FASTKD1: variants seen among roughly 807,000 people sequenced by gnomAD.
FASTKD1 encodes FAST kinase domain-containing protein 1, mitochondrial.
In FASTKD1, 94 loss-of-function variants were observed where a neutral mutation model predicts 90.9. That is an observed-to-expected ratio of 1.03 (90% confidence interval 0.88 to 1.23). The LOEUF is 1.23. Ranked by LOEUF, FASTKD1 falls within the 50% of genes most tolerant of loss-of-function variation. The pLI is 0.00. For missense variants in FASTKD1, 945 were observed against 993.5 expected (o/e 0.95, Z 0.66); for synonymous variants, 319 against 345.8 (o/e 0.92, Z 0.86).
chr2:169,541,411 G>A (rs1684950099), intron 9 of FASTKD1, among the ~76,000 whole-genome samples: 1 of 152,170 alleles, frequency 6.6e-6, no homozygotes, highest in Non-Finnish European at 1.5e-5. Flanking sequence ...GGAGAATACA[G>A]TCTAAGTCTC....
At chr2:169,554,356 G>A (rs1362201847) in intron 7 of FASTKD1, among the ~76,000 whole-genome samples, 1 of 139,102 alleles carries the variant, frequency 7.2e-6, no homozygotes, top group East Asian at 2.3e-4. Flanking sequence ...ATTATAAAGG[G>A]AAAATTCTAC....
At chr2:169,540,846 CAT>C (rs1684929751) in intron 9 of FASTKD1, among the ~76,000 whole-genome samples, 1 of 152,188 alleles carries the variant, frequency 6.6e-6, no homozygotes, top group African/African-American at 2.4e-5. Flanking sequence ...AGAGTGTACA[CAT>C]GTTTGAGGCT....
chr2:169,536,042 A>C (rs1684710166), intron 12 of FASTKD1, among the ~76,000 whole-genome samples: 1 of 152,030 alleles, frequency 6.6e-6, no homozygotes, highest in South Asian at 2.1e-4. Context: ...TTGGGAGGCT[A>C]AGCTGAGGCA....
At chr2:169,542,407 A>C (rs1359770335) in intron 9 of FASTKD1, among the ~76,000 whole-genome samples, 3 of 152,246 alleles carry the variant, frequency 2.0e-5, no homozygotes, top group Non-Finnish European at 2.9e-5. Context: ...CTTCAAGGTC[A>C]AACTGTTCCA....
chr2:169,530,041 C>T (rs1302887516), intron 14 of FASTKD1, 115 bp from the exon 15 acceptor site: 1 of 737,036 alleles, frequency 1.4e-6, no homozygotes. Context: ...AATTAGTTTA[C>T]ATAAGGATAG....
At chr2:169,570,589 G>C (rs951068422) in intron 2 of FASTKD1, among the ~76,000 whole-genome samples, 1 of 151,566 alleles carries the variant, frequency 6.6e-6, no homozygotes, top group Non-Finnish European at 1.5e-5. Flanking sequence ...GAAAACATAT[G>C]TGCCGTCCAT....
intron 12 of FASTKD1, among the ~76,000 whole-genome samples, chr2:169,533,526 C>T (rs1684580234): frequency 6.6e-6 from 1 of 152,106 alleles, no homozygotes; most frequent in Non-Finnish European, 1.5e-5. Context: ...AATTTACATA[C>T]TTCATAGGGA....
rs1322642423 is a variant in FASTKD1, at chr2:169,554,523, GT to G, written c.1214+600del. Among the ~76,000 whole-genome samples the G allele has an allele frequency of 6.1e-3, 701 of 114,606 alleles. 54 individuals are homozygous for G. Among genetic ancestry groups the G allele is most frequent in the Non-Finnish European group, 9.6e-3 (449 of 46,872 alleles). The allele number at this position is 114,606 out of a possible 152,430, so 75.2% of individuals were successfully genotyped here. On this transcript the variant is annotated intron_variant, in intron 7 of 14. Transcript: ENST00000453153. ...TACTAAAATTACAAAAATTAACAGG[GT>G]GTGGTGGTATGTGCCTGTATTCCCA...
At chr2:169,568,660 A>T (rs1684101524) in intron 3 of FASTKD1, among the ~76,000 whole-genome samples, 1 of 141,790 alleles carries the variant, frequency 7.1e-6, no homozygotes, top group African/African-American at 2.6e-5. Flanking sequence ...AAAAAAAGAG[A>T]GACAGAAAAA....
chr2:169,558,607 G>A (rs1683436828), intron 5 of FASTKD1, among the ~76,000 whole-genome samples: 2 of 151,400 alleles, frequency 1.3e-5, no homozygotes, highest in South Asian at 4.2e-4. Context: ...CCACCACCAC[G>A]CCCGGCTAAT....
chr2:169,565,350 C>T (rs1260081687), intron 3 of FASTKD1, among the ~76,000 whole-genome samples: 1 of 149,404 alleles, frequency 6.7e-6, no homozygotes, highest in Non-Finnish European at 1.5e-5. Flanking sequence ...GTAAGCTCCG[C>T]CTCCCGAGTT....
rs540064963 is a variant in FASTKD1 at position 169,565,576 on chromosome 2, A to C, written c.447-2226T>G. On this transcript the variant is annotated intron_variant, in intron 3 of 14. Transcript: ENST00000453153. ...CGCGCCCAGCCACCACATTTTCTTT[A>C]TCCATTCATCTGTTGATGGACACTT... 1.3e-4 allele frequency among the ~76,000 whole-genome samples: 20 copies of C among 152,164 alleles called. No homozygotes were observed. The South Asian group carries it at 4.1e-3, about 32-fold the overall frequency.
chr2:169,544,740 T>A lies in FASTKD1; in HGVS notation c.1797A>T (p.Gln599His). The change falls in exon 9 of 15, where the codon CAA (glutamine) becomes CAT (histidine). Residue 599 changes from glutamine to histidine, a missense_variant. Gln to His is a conservative substitution (Grantham distance 24, BLOSUM62 0). Coordinates refer to ENST00000453153, the MANE Select transcript of FASTKD1 (RefSeq NM_024622.6). ...QRDEFLGTCV[Q>H]HLNSYLGILD... ...ACCTACCTAAGTAAGAATTAAGATG[T>A]TGCACGCAAGTTCCCAAAAATTCAT... is the stretch of plus-strand genomic sequence containing the variant. 1 of 1,597,734 alleles carries A rather than the reference T, an allele frequency of 6.3e-7. No homozygotes were observed. Among genetic ancestry groups the A allele is most frequent in the South Asian group, 1.1e-5 (1 of 90,688 alleles).
At chr2:169,571,583 A>G in intron 2 of FASTKD1, 70 bp downstream of exon 2, 1 of 1,056,812 alleles carries the variant, frequency 9.5e-7, no homozygotes, top group Non-Finnish European at 1.3e-6. Context: ...AATGAAAATA[A>G]AGAGATTTTT....
rs1416256284 is a variant in FASTKD1 at position 169,556,798 on chromosome 2, G to C, written c.1082+389C>G. ...GCCGAGATGGCACCACTGCACTCAA[G>C]CCTGGGCAACAGAGCAAGACTCTGT... On this transcript the variant is annotated intron_variant, in intron 6 of 14. Transcript: ENST00000453153. Among the ~76,000 whole-genome samples the C allele has an allele frequency of 2.0e-5, 3 of 151,960 alleles. No homozygotes were observed. The Admixed American group carries it at 2.0e-4, about 10-fold the overall frequency.
Position 169,572,000 on chromosome 2 carries a change from T to C in FASTKD1, c.30A>G (p.Ser10=), listed in dbSNP as rs1277866136. 4 of 1,593,328 alleles carry C rather than the reference T, an allele frequency of 2.5e-6. No individual in the cohort carries two copies. The highest frequency in any genetic ancestry group is 1.3e-5 in the African/African-American group (1 of 74,092). MKKTPVFLE[S]LVTNMLRLRA... is the part of the protein sequence containing the mutation. Reference sequence around the variant, plus strand: ...TTAGACGAAGCATATTTGTAACCAATGACTCTAGGAAAACAGGTGTTTTTT... The same window carrying C: ...TTAGACGAAGCATATTTGTAACCAACGACTCTAGGAAAACAGGTGTTTTTT... Residue 10 remains serine, a synonymous_variant, in exon 2 of 15, where the codon TCA becomes TCG. Transcript: ENST00000453153.
At position 169,572,037 on chromosome 2, in the gene FASTKD1, A is replaced by T. The variant is rs1233023435; in HGVS notation, c.-8T>A. On this transcript the variant is annotated 5_prime_UTR_variant, in exon 2 of 15. Coordinates refer to ENST00000453153, the MANE Select transcript of FASTKD1 (RefSeq NM_024622.6). ...AACAGGTGTTTTTTTCATTTATATC[A>T]CAAGTTTTCTTAGGTAAACAAAACC... The T allele has an allele frequency of 1.9e-6, 3 of 1,557,308 alleles. No homozygotes were observed. The highest frequency in any genetic ancestry group is 4.1e-5 in the Admixed American group (2 of 49,060).
chr2:169,538,432 T>G (rs1684820738), intron 10 of FASTKD1, among the ~76,000 whole-genome samples: 1 of 151,880 alleles, frequency 6.6e-6, no homozygotes, highest in Non-Finnish European at 1.5e-5. Context: ...ATCCCAACAC[T>G]TTGGGAGGCT....
chr2:169,536,368 C>T (rs1684723613), intron 12 of FASTKD1, among the ~76,000 whole-genome samples: 1 of 151,802 alleles, frequency 6.6e-6, no homozygotes, highest in South Asian at 2.1e-4. Context: ...TTTCTAGACC[C>T]TAATTGTCAC....
Sources: allele counts gnomAD v4.1 joint callset (sites outside exome capture counted in the v4.1 genomes callset), GRCh38; gene constraint gnomAD v4.1.1; transcripts MANE v1.5; gene names NCBI Gene and HGNC (gene_info 2026-07-23, HGNC 2026-07-21).